Variants in PTPN23 observed in about 807,000 individuals in gnomAD.
The protein encoded by PTPN23 is protein tyrosine phosphatase non-receptor type 23, also known as tyrosine-protein phosphatase non-receptor type 23.
In PTPN23, 72 loss-of-function variants were observed where a neutral mutation model predicts 156.3. The ratio of observed to expected loss-of-function variants is 0.46; its 90% confidence interval spans 0.38 to 0.56. The LOEUF (loss-of-function observed/expected upper bound fraction) is 0.56. PTPN23 is among the 20% of genes least tolerant of loss of function. The pLI is 0.00. For synonymous variants in PTPN23, 957 were observed against 899.6 expected, an observed-to-expected ratio of 1.06 and a Z score of -1.14; for missense variants, 1,974 against 2,171.5, an observed-to-expected ratio of 0.91 and a Z score of 1.81.
intron 2 of PTPN23, among the ~76,000 whole-genome samples, chr3:47,402,929 C>T (rs1401505327): frequency 6.6e-6 from 1 of 151,758 alleles, no homozygotes; most frequent in Admixed American, 6.6e-5. Context: ...TGGCATCGAA[C>T]TCCTGACCTT....
In PTPN23 at chr3:47,388,356, G is replaced by A. The variant is rs544998332; in HGVS notation, c.84+7176G>A. Among the ~76,000 whole-genome samples the A allele has an allele frequency of 5.3e-5, 8 of 152,102 alleles. No homozygotes were observed. In the East Asian group the frequency reaches 1.4e-3, roughly 26 times the overall value. The stretch of plus-strand genomic sequence containing the variant: ...CCTGAATAGCTGGGACCACAGGCAC[G>A]CACCACTCTGCTAATTTTGCTTATT... On this transcript the variant is annotated intron_variant, in intron 1 of 24. Coordinates refer to ENST00000265562, the MANE Select transcript of PTPN23 (RefSeq NM_015466.4).
rs964219859 is a variant in PTPN23 at position 47,410,579 on chromosome 3, G to C, written c.2781G>C (p.Gly927=). ...CCACGCCTTACACCTACCCTGCAGG[G>C]GCTAAGCAACCCATCCCGGCACAGC... ...PLPTPYTYPA[G]AKQPIPAQHH... The change falls in exon 20 of 25, where the codon GGG becomes GGC. Residue 927 remains glycine, a synonymous_variant. Coordinates refer to ENST00000265562, the MANE Select transcript of PTPN23 (RefSeq NM_015466.4). 5.0e-6 allele frequency: 8 copies of C among 1,611,902 alleles called. No individual in the cohort carries two copies. The highest frequency in any genetic ancestry group is 3.4e-6 in the Non-Finnish European group (4 of 1,179,504).
Position 47,406,158 on chromosome 3 carries a change from C to A in PTPN23, c.546+112C>A. On this transcript the variant is annotated intron_variant, in intron 6 of 24. Transcript: ENST00000265562. The surrounding 1 kb of genome is among the most constrained non-coding windows in gnomAD (Gnocchi z 5.8). Reference sequence around the variant, plus strand: ...AGGCAGTGAGGGACAAGCAAGGGGCCTTGGCTTTGTTGAATCAGGAGCACC... The same window carrying A: ...AGGCAGTGAGGGACAAGCAAGGGGCATTGGCTTTGTTGAATCAGGAGCACC... 6.6e-7 allele frequency: 1 copy of A among 1,513,578 alleles called. No individual in the cohort carries two copies. 93.8% of individuals were successfully genotyped at this position (1,513,578 alleles called of 1,614,324 possible).
In PTPN23 at chr3:47,406,520, A is replaced by C. The variant is rs1384812164; in HGVS notation, c.667A>C (p.Asn223His). The C allele has an allele frequency of 6.2e-7, 1 of 1,613,814 alleles. No homozygotes were observed. The highest frequency in any genetic ancestry group is 2.2e-5 in the East Asian group (1 of 44,876). ...CAAGGAGGCATGCCGGGCCTTGGAG[A>C]ACCCCGACACTGCCTCACTGCTGGG... Reference protein sequence around the residue: ...YYKEACRALENPDTASLLGRI... With the variant: ...YYKEACRALEHPDTASLLGRI... Residue 223 changes from asparagine to histidine, a missense_variant, in exon 8 of 25, where the codon AAC becomes CAC. By Grantham distance (68) the Asn-to-His change is moderately conservative. Around this residue, in one of 4 missense-constraint regions of PTPN23, gnomAD observed 726 missense variants for 929.5 expected, o/e 0.78. Transcript: ENST00000265562. This position sits in a 1 kb window ranked among gnomAD's most constrained non-coding sequence, Gnocchi z 5.8.
chr3:47,410,509 C>T lies in PTPN23; in HGVS notation c.2711C>T (p.Ala904Val), dbSNP rs1309536347. The T allele has an allele frequency of 6.9e-6, 11 of 1,596,596 alleles. No homozygotes were observed. The highest frequency in any genetic ancestry group is 1.3e-5 in the African/African-American group (1 of 74,114). Residue 904 changes from alanine (A) to valine (V), a missense_variant, in exon 20 of 25, where the codon GCT becomes GTT. This residue lies in a region of PTPN23 where 731 missense variants were observed against 669.1 expected (regional missense o/e 1.09). Transcript: ENST00000265562. The stretch of plus-strand genomic sequence containing the variant: ...GCCCCACGGCCAAACCCCACCCCTG[C>T]TCCTCCCCCGCCCTGCTTCCCTGTG... Reference protein sequence around the residue: ...HTAPRPNPTPAPPPPCFPVPP... With the variant: ...HTAPRPNPTPVPPPPCFPVPP...
chr3:47,413,221 T>G lies in PTPN23; in HGVS notation c.*36T>G. On this transcript the variant is annotated 3_prime_UTR_variant, in exon 25 of 25. Transcript: ENST00000265562. ...CCTACCTGGTCCTTACACTACATCA[T>G]CATCATCTCATGCCCACCTGCCCAC... 1.3e-6 allele frequency: 2 copies of G among 1,572,768 alleles called. No individual in the cohort carries two copies. The highest frequency in any genetic ancestry group is 1.7e-6 in the Non-Finnish European group (2 of 1,156,776).
chr3:47,411,910 G>A lies in PTPN23; in HGVS notation c.4016G>A (p.Arg1339Gln), dbSNP rs1014265248. ...GAGCGCGTGCTGAGCCTGCAGTTCC[G>A]AGACCAGAGCCTCAAGCGCTCTCTT... Reference protein sequence around the residue: ...HVERVLSLQFRDQSLKRSLVH... With the variant: ...HVERVLSLQFQDQSLKRSLVH... The change falls in exon 21 of 25, where the codon CGA (arginine) becomes CAA (glutamine). Residue 1339 changes from arginine to glutamine, a missense_variant. Around this residue, in one of 4 missense-constraint regions of PTPN23, gnomAD observed 484 missense variants for 516.0 expected, o/e 0.94. Coordinates refer to ENST00000265562, the MANE Select transcript of PTPN23 (RefSeq NM_015466.4). The surrounding 1 kb of genome is among the most constrained non-coding windows in gnomAD (Gnocchi z 6.3). The A allele has an allele frequency of 9.9e-6, 16 of 1,613,246 alleles. No homozygotes were observed. Among genetic ancestry groups the A allele is most frequent in the African/African-American group, 2.7e-5 (2 of 74,890 alleles).
intron 1 of PTPN23, among the ~76,000 whole-genome samples, chr3:47,390,291 C>T (rs1704745825): frequency 6.6e-6 from 1 of 152,130 alleles, no homozygotes; most frequent in Non-Finnish European, 1.5e-5. Context: ...GCACTGTTTC[C>T]CACTTGTAAT....
In PTPN23 at chr3:47,410,571, C is replaced by T. The variant is rs1576230679; in HGVS notation, c.2773C>T (p.Pro925Ser). 1 of 1,612,316 alleles carries T rather than the reference C, an allele frequency of 6.2e-7. No individual in the cohort carries two copies. The part of the protein sequence containing the change: ...PQPLPTPYTY[P>S]AGAKQPIPAQ... ...GCCACTGCCCACGCCTTACACCTAC[C>T]CTGCAGGGGCTAAGCAACCCATCCC... The change falls in exon 20 of 25, where the codon CCT (proline) becomes TCT (serine). Residue 925 changes from proline to serine, a missense_variant. Physicochemically the swap from Pro to Ser is moderately conservative, Grantham distance 74. Coordinates refer to ENST00000265562, the MANE Select transcript of PTPN23 (RefSeq NM_015466.4).
rs1318963611 is a variant in PTPN23, at chr3:47,411,293, T to C, written c.3495T>C (p.Tyr1165=). 1 of 1,612,098 alleles carries C rather than the reference T, an allele frequency of 6.2e-7. No individual in the cohort carries two copies. ...TGCGGCTGATTGAGCGGGACCCCTATGAGCATCCTGAGAGGCTGCGGCAGT... is the reference window on the plus strand; with the variant it reads ...TGCGGCTGATTGAGCGGGACCCCTACGAGCATCCTGAGAGGCTGCGGCAGT... ...QALRLIERDP[Y]EHPERLRQLQ... is the part of the protein sequence containing the mutation. Residue 1165 remains tyrosine (Y), a synonymous_variant, in exon 20 of 25, where the codon TAT becomes TAC. Coordinates refer to ENST00000265562, the MANE Select transcript of PTPN23 (RefSeq NM_015466.4). This position sits in a 1 kb window ranked among gnomAD's most constrained non-coding sequence, Gnocchi z 6.3.
intron 1 of PTPN23, among the ~76,000 whole-genome samples, chr3:47,394,300 C>A (rs141162096): frequency 6.6e-6 from 1 of 152,164 alleles, no homozygotes; most frequent in Non-Finnish European, 1.5e-5. Flanking sequence ...ACCCTGCCGT[C>A]GGCACACAGT....
intron 1 of PTPN23, among the ~76,000 whole-genome samples, chr3:47,382,244 A>T (rs1016670110): frequency 1.3e-5 from 2 of 152,052 alleles, no homozygotes; most frequent in African/African-American, 2.4e-5. Flanking sequence ...AATGAGGGTA[A>T]TTGATCCAAA....
In PTPN23 at chr3:47,396,405, T is replaced by A. The variant is rs546379263; in HGVS notation, c.159+188T>A. ...GCCTGGCCAACATGGTGAAACCCCA[T>A]CTCTACTAAAAATACAAAAATTAGG... On this transcript the variant is annotated intron_variant, in intron 2 of 24. Transcript: ENST00000265562. The A allele has an allele frequency of 7.0e-4, 270 of 387,352 alleles. 3 individuals carry two copies. Among genetic ancestry groups the A allele is most frequent in the Admixed American group, 2.5e-3 (63 of 24,906 alleles). The allele number at this position is 387,352 out of a possible 1,614,324, so 24.0% of individuals were successfully genotyped here. A position where few individuals can be genotyped will look rare whatever the true frequency, so the allele number is the denominator to read the frequency against.
chr3:47,389,996 C>T (rs776921245), intron 1 of PTPN23, among the ~76,000 whole-genome samples: 30 of 151,556 alleles, frequency 2.0e-4, no homozygotes, highest in Non-Finnish European at 3.1e-4. Context: ...TTGCTTGAAC[C>T]CAGGAGGTGG....
Position 47,409,558 on chromosome 3 carries a change from T to C in PTPN23, c.1939T>C (p.Leu647=), listed in dbSNP as rs997357102. Reference sequence around the variant, plus strand: ...AGCCGTGCGGCGGGTACTCAGCGACTTGGACCAAAAGTCAGTGCCCAGTCC... The same window carrying C: ...AGCCGTGCGGCGGGTACTCAGCGACCTGGACCAAAAGTCAGTGCCCAGTCC... ...YAAVRRVLSD[L]DQKWNSTLQT... The change falls in exon 18 of 25, where the codon TTG becomes CTG. Residue 647 remains leucine, a synonymous_variant. Coordinates refer to ENST00000265562, the MANE Select transcript of PTPN23 (RefSeq NM_015466.4). The C allele has an allele frequency of 1.2e-6, 2 of 1,613,456 alleles. No homozygotes were observed. Among genetic ancestry groups the C allele is most frequent in the African/African-American group, 1.3e-5 (1 of 74,924 alleles).
In PTPN23 at chr3:47,409,564, C is replaced by G. The variant is rs761753077; in HGVS notation, c.1945C>G (p.Gln649Glu). ...AVRRVLSDLD[Q>E]KWNSTLQTLV... is the part of the protein sequence containing the mutation. ...GCGGCGGGTACTCAGCGACTTGGACCAAAAGTCAGTGCCCAGTCCTCTGCT... is the reference window on the plus strand; with the variant it reads ...GCGGCGGGTACTCAGCGACTTGGACGAAAAGTCAGTGCCCAGTCCTCTGCT... The change falls in exon 18 of 25, where the codon CAA (glutamine) becomes GAA (glutamate). Residue 649 changes from glutamine (Q) to glutamate (E), a missense_variant. Around this residue, in one of 4 missense-constraint regions of PTPN23, gnomAD observed 726 missense variants for 929.5 expected, o/e 0.78. Transcript: ENST00000265562. The G allele has an allele frequency of 6.8e-6, 11 of 1,613,330 alleles. No individual in the cohort carries two copies. The Admixed American group carries it at 1.8e-4, about 27-fold the overall frequency.
intron 1 of PTPN23, 148 bp downstream of exon 1, chr3:47,381,328 C>A: frequency 8.7e-7 from 1 of 1,151,006 alleles, no homozygotes; most frequent in Non-Finnish European, 1.2e-6. Context: ...TTTTCCTCAG[C>A]CTGTCCCACA....
intron 2 of PTPN23, among the ~76,000 whole-genome samples, chr3:47,398,411 A>G (rs1704923101): frequency 6.6e-6 from 1 of 152,204 alleles, no homozygotes; most frequent in African/African-American, 2.4e-5. Flanking sequence ...CAAAGAAAAA[A>G]TTCTTGAAGG....
Position 47,412,514 on chromosome 3 carries a change from C to T in PTPN23, c.4318C>T (p.Leu1440=). 1 of 1,613,064 alleles carries T rather than the reference C, an allele frequency of 6.2e-7. No homozygotes were observed. The highest frequency in any genetic ancestry group is 8.5e-7 in the Non-Finnish European group (1 of 1,179,772). ...QQRKHMLQEK[L]HLRFCYEAVV... ...GACCTGGCCAAATGCACCTGTGCAG[C>T]TGCACCTCAGGTTCTGCTATGAGGC... The change falls in exon 24 of 25, where the codon CTG becomes TTG. Residue 1440 remains leucine, a splice_region_variant and synonymous_variant. Transcript: ENST00000265562.
Sources: gnomAD v4.1 joint callset for allele counts (sites outside exome capture counted in the v4.1 genomes callset) on GRCh38, gnomAD v4.1.1 for gene constraint, gnomAD v4.1.1 regional missense constraint, Gnocchi (gnomAD v3.1) non-coding constraint, MANE v1.5 for transcripts, NCBI Gene and HGNC (gene_info 2026-07-23, HGNC 2026-07-21) for gene names.